Variants in STXBP4 observed in about 807,000 individuals in gnomAD.
The protein encoded by STXBP4 is syntaxin binding protein 4.
A neutral mutation model predicts 76.1 loss-of-function variants in STXBP4; 55 were observed. The observed-to-expected ratio is 0.72, with a 90% CI of 0.58 to 0.91. The LOEUF is 0.91. Ranked by LOEUF, STXBP4 falls within the 40% of genes least tolerant of loss-of-function variation. The pLI, the probability that STXBP4 is intolerant of heterozygous loss-of-function variation, is 0.00. For missense variants in STXBP4, 618 were observed against 636.9 expected (o/e 0.97, Z 0.32); for synonymous variants, 201 against 220.2 (o/e 0.91, Z 0.77).
At chr17:55,095,939 T>C (rs1318058408) in intron 16 of STXBP4, among the ~76,000 whole-genome samples, 1 of 152,144 alleles carries the variant, frequency 6.6e-6, no homozygotes, top group South Asian at 2.1e-4. Flanking sequence ...AACTGGTAAT[T>C]ATTTTTTTCT....
intron 12 of STXBP4, among the ~76,000 whole-genome samples, chr17:55,056,807 T>C (rs2078928472): frequency 6.6e-6 from 1 of 152,074 alleles, no homozygotes; most frequent in South Asian, 2.1e-4. Context: ...AGCAGTTCCA[T>C]TCCAGCCTGG....
intron 1 of STXBP4, among the ~76,000 whole-genome samples, chr17:54,970,390 C>A (rs1289760764): frequency 6.6e-6 from 1 of 152,186 alleles, no homozygotes; most frequent in Non-Finnish European, 1.5e-5. Flanking sequence ...CAGTAGTCCA[C>A]ATGAGTGATG....
In STXBP4 at chr17:54,992,705, CTTTTTTTTTT is replaced by C. The variant is rs760386476; in HGVS notation, c.180+1762_180+1771del. ...CCAACAAGTGATAAGAATTTGCTTC[CTTTTTTTTTT>C]TTTTTTTTTTTTTGAGACAGAGTCT... On this transcript the variant is annotated intron_variant, in intron 4 of 17. Transcript: ENST00000376352. Among the ~76,000 whole-genome samples, 9 of 96,842 alleles carry C rather than the reference CTTTTTTTTTT, an allele frequency of 9.3e-5. No homozygotes were observed. The South Asian group carries it at 3.3e-3, about 36-fold the overall frequency. 63.5% of individuals were successfully genotyped at this position (96,842 alleles called of 152,430 possible).
At chr17:55,187,426 AT>A in the STXBP4 span, among the ~76,000 whole-genome samples, 2 of 150,698 alleles carry the variant, frequency 1.3e-5, no homozygotes, top group Non-Finnish European at 2.9e-5. Flanking sequence ...GCTGCTTATG[AT>A]TTAAAAAAAA....
chr17:55,047,218 G>T, intron 12 of STXBP4, 64 bp downstream of exon 12: 1 of 862,924 alleles, frequency 1.2e-6, no homozygotes, highest in South Asian at 1.9e-5. Context: ...GTGTGTGTGT[G>T]AACATATGAG....
At chr17:55,089,592 C>T (rs1436747864) in intron 16 of STXBP4, among the ~76,000 whole-genome samples, 1 of 152,168 alleles carries the variant, frequency 6.6e-6, no homozygotes, top group African/African-American at 2.4e-5. Flanking sequence ...TTCTATTGAT[C>T]TCCTTATATT....
intron 4 of STXBP4, among the ~76,000 whole-genome samples, chr17:54,992,554 A>G (rs2077734580): frequency 6.6e-6 from 1 of 151,966 alleles, no homozygotes; most frequent in South Asian, 2.1e-4. Flanking sequence ...TCTTCCAAGA[A>G]TTGAGGTGTT....
At chr17:55,002,676 CTA>C (rs2077940200) in intron 7 of STXBP4, among the ~76,000 whole-genome samples, 1 of 152,116 alleles carries the variant, frequency 6.6e-6, no homozygotes, top group Non-Finnish European at 1.5e-5. Flanking sequence ...GTAGTGAGTG[CTA>C]TGAGTATGGT....
At chr17:55,193,038 C>T in the STXBP4 span, among the ~76,000 whole-genome samples, 1 of 152,172 alleles carries the variant, frequency 6.6e-6, no homozygotes, top group South Asian at 2.1e-4. Context: ...TGAGTGCCAA[C>T]AGACTCAGAA....
chr17:55,079,789 A>G (rs2079234015), intron 15 of STXBP4, among the ~76,000 whole-genome samples: 1 of 152,048 alleles, frequency 6.6e-6, no homozygotes, highest in Non-Finnish European at 1.5e-5. Flanking sequence ...AAAGTAAATA[A>G]ATACTCTACC....
chr17:54,986,264 A>AAAGT lies in STXBP4; in HGVS notation c.47+1_47+4dup. On this transcript the variant is annotated frameshift_variant and splice_region_variant, in exon 3 of 18. Transcript: ENST00000376352. LOFTEE classifies it high-confidence loss of function. ...CTGTAGTATCACCCAGTCTACTTGA[A>AAAGT]AAGTAATTTTTAAGTTTAATATGTT... 6.3e-7 allele frequency: 1 copy of AAAGT among 1,585,260 alleles called. No homozygotes were observed. Among genetic ancestry groups the AAAGT allele is most frequent in the Non-Finnish European group, 8.6e-7 (1 of 1,162,860 alleles).
At chr17:55,035,354 A>G (rs2078581039) in intron 10 of STXBP4, among the ~76,000 whole-genome samples, 1 of 151,858 alleles carries the variant, frequency 6.6e-6, no homozygotes, top group African/African-American at 2.4e-5. Context: ...ACAGTATTTT[A>G]TACCCATAAC....
chr17:55,199,994 C>T, the STXBP4 span, among the ~76,000 whole-genome samples: 1 of 152,226 alleles, frequency 6.6e-6, no homozygotes, highest in Non-Finnish European at 1.5e-5. Context: ...AGTCCTTCCT[C>T]GGTCATATCT....
the STXBP4 span, among the ~76,000 whole-genome samples, chr17:55,208,633 G>A: frequency 2.9e-4 from 38 of 130,934 alleles, no homozygotes; most frequent in Non-Finnish European, 4.9e-4. Flanking sequence ...AGGGAAAGGA[G>A]AGGAGTAAGA....
intron 8 of STXBP4, among the ~76,000 whole-genome samples, chr17:55,012,732 C>G (rs1293029243): frequency 6.6e-6 from 1 of 152,138 alleles, no homozygotes; most frequent in Non-Finnish European, 1.5e-5. Context: ...GGATTACTTT[C>G]AAATATTCCA....
chr17:54,985,492 T>A (rs1389298407), intron 1 of STXBP4, 122 bp from the exon 2 acceptor site: 2 of 152,358 alleles, frequency 1.3e-5, no homozygotes, highest in South Asian at 2.1e-4. Flanking sequence ...ATTGTTCTTA[T>A]GAAAAGGTGG....
intron 16 of STXBP4, among the ~76,000 whole-genome samples, chr17:55,113,217 CCACACACACACA>C (rs10611316): frequency 1.8e-4 from 25 of 141,420 alleles, no homozygotes; most frequent in African/African-American, 5.0e-4. Context: ...GGTGCTCTTA[CCACACACACACA>C]CACACACACA....
chr17:55,208,682 G>C, the STXBP4 span, among the ~76,000 whole-genome samples: 1 of 152,168 alleles, frequency 6.6e-6, no homozygotes, highest in Non-Finnish European at 1.5e-5. Flanking sequence ...AAATCTTTGA[G>C]TAGTGAATAA....
At chr17:55,043,708 G>C (rs2078742478) in intron 11 of STXBP4, 2 of 1,476,920 alleles carry the variant, frequency 1.4e-6, no homozygotes, top group Non-Finnish European at 1.8e-6. Flanking sequence ...TTCATGTGCA[G>C]GGCTATTCTT....
Sources: allele counts gnomAD v4.1 joint callset (sites outside exome capture counted in the v4.1 genomes callset), GRCh38; gene constraint gnomAD v4.1.1; transcripts MANE v1.5; gene names NCBI Gene and HGNC (gene_info 2026-07-23, HGNC 2026-07-21).